Variants in RGS3 observed in about 807,000 individuals in gnomAD.
RGS3 encodes regulator of G protein signaling 3.
A neutral mutation model predicts 132.6 loss-of-function variants in RGS3; 80 were observed. That is an observed-to-expected ratio of 0.60 (90% CI 0.50 to 0.73). The LOEUF (loss-of-function observed/expected upper bound fraction) is 0.73. RGS3 is among the 30% of genes least tolerant of loss of function. RGS3 has a pLI of 0.00. For missense variants in RGS3, 1,382 were observed against 1,530.8 expected (o/e 0.90, Z 1.62); for synonymous variants, 598 against 620.6 (o/e 0.96, Z 0.54).
At chr9:113,569,567 GTCTTTCCT>G (rs1348299995) in intron 19 of RGS3, among the ~76,000 whole-genome samples, 2 of 124,362 alleles carry the variant, frequency 1.6e-5, no homozygotes. Context: ...TCCCTTCCGT[GTCTTTCCT>G]TCTTTCCTTC....
At chr9:113,494,862 A>ATTC (rs149529317) in intron 7 of RGS3, among the ~76,000 whole-genome samples, 72 of 151,640 alleles carry the variant, frequency 4.7e-4, no homozygotes, top group East Asian at 2.1e-3. Flanking sequence ...GGAACTCTGA[A>ATTC]TTCTTCTTCT....
At chr9:113,456,650 GT>G (rs112527436), upstream of RGS3, among the ~76,000 whole-genome samples, 181 of 135,612 alleles carry the variant, frequency 1.3e-3, 2 homozygotes, top group Admixed American at 5.4e-3. Flanking sequence ...TAACCAATTT[GT>G]TTTTTTTTTT....
chr9:113,489,763 C>T (rs2119249614), intron 7 of RGS3, among the ~76,000 whole-genome samples: 1 of 151,760 alleles, frequency 6.6e-6, no homozygotes, highest in African/African-American at 2.4e-5. Flanking sequence ...CTCCTGGCTG[C>T]AAGTGCTCCT....
rs1431462226 is a variant in RGS3 at position 113,582,158 on chromosome 9, TCA to T, written c.2038-1290_2038-1289del. ...AACACTGACTCCCAGCTGTGGGGCT[TCA>T]CCATTACAGACTCCCCAGGGCTTCA... is the stretch of plus-strand genomic sequence containing the variant. On this transcript the variant is annotated intron_variant, in intron 19 of 24. Transcript: ENST00000350696. 4 of 985,378 alleles carry T rather than the reference TCA, an allele frequency of 4.1e-6. No homozygotes were observed. In the African/African-American group the frequency reaches 7.0e-5, roughly 17 times the overall value. The allele number at this position is 985,378 out of a possible 1,614,324, so 61.0% of individuals were successfully genotyped here. A position where few individuals can be genotyped will look rare whatever the true frequency, so the allele number is the denominator to read the frequency against.
At chr9:113,546,334 G>A (rs1011180850) in intron 19 of RGS3, among the ~76,000 whole-genome samples, 1 of 152,138 alleles carries the variant, frequency 6.6e-6, no homozygotes, top group South Asian at 2.1e-4. Flanking sequence ...CCCCTTCGTG[G>A]TTCCCAGAGT....
intron 7 of RGS3, among the ~76,000 whole-genome samples, chr9:113,490,721 A>G (rs185677279): frequency 0.068 from 9,601 of 140,758 alleles, 415 homozygotes; most frequent in Non-Finnish European, 0.094. Flanking sequence ...TGGTATATAT[A>G]ATTATATATA....
intron 21 of RGS3, chr9:113,594,100 T>A: frequency 6.2e-7 from 1 of 1,613,014 alleles, no homozygotes; most frequent in Non-Finnish European, 8.5e-7. Context: ...CCTGTCTGAG[T>A]CCCAGCCCCG....
intron 14 of RGS3, among the ~76,000 whole-genome samples, chr9:113,511,350 A>G (rs1026109693): frequency 1.3e-5 from 2 of 152,066 alleles, no homozygotes; most frequent in Non-Finnish European, 2.9e-5. Flanking sequence ...TGGGAAGTAA[A>G]TGAGTTTGCC....
At chr9:113,543,071 G>A (rs1272219784) in intron 19 of RGS3, among the ~76,000 whole-genome samples, 1 of 152,236 alleles carries the variant, frequency 6.6e-6, no homozygotes, top group African/African-American at 2.4e-5. Context: ...CAGACCTAGA[G>A]GGAGGGAAGC....
intron 20 of RGS3, among the ~76,000 whole-genome samples, chr9:113,586,543 C>A (rs138862502): frequency 6.6e-6 from 1 of 152,192 alleles, no homozygotes; most frequent in African/African-American, 2.4e-5. Flanking sequence ...AACTTTTAGC[C>A]GGTCACTTCC....
Position 113,506,592 on chromosome 9 carries a change from C to T in RGS3, c.1085+99C>T. 2.7e-6 allele frequency: 2 copies of T among 746,892 alleles called. No homozygotes were observed. Among genetic ancestry groups the T allele is most frequent in the Admixed American group, 4.8e-5 (2 of 41,682 alleles). The allele number at this position is 746,892 out of a possible 1,614,324, so 46.3% of individuals were successfully genotyped here. On this transcript the variant is annotated intron_variant, in intron 12 of 24. Transcript: ENST00000350696. The surrounding 1 kb of genome is among the most constrained non-coding windows in gnomAD (Gnocchi z 4.7). ...TGCCTGGCCCAGCTCTTGCTGCTCC[C>T]TCTTTTGCCTAGCTGTGAGCAGGCA...
chr9:113,445,767 C>T (rs1006667355), intron 1 of RGS3, among the ~76,000 whole-genome samples: 1 of 152,156 alleles, frequency 6.6e-6, no homozygotes, highest in Non-Finnish European at 1.5e-5. Flanking sequence ...CAACCTCCGC[C>T]GCCTGGGTTC....
intron 19 of RGS3, chr9:113,581,003 G>C: frequency 3.1e-6 from 3 of 978,966 alleles, no homozygotes; most frequent in Non-Finnish European, 3.6e-6. Context: ...AGGACTATCA[G>C]AGGCAGGTGG....
At chr9:113,492,806 A>T (rs968379170) in intron 7 of RGS3, among the ~76,000 whole-genome samples, 1 of 152,204 alleles carries the variant, frequency 6.6e-6, no homozygotes, top group Admixed American at 6.5e-5. Context: ...ACTTAGAGAG[A>T]GGTTCCTGCT....
At chr9:113,548,651 G>C (rs1453207534) in intron 19 of RGS3, among the ~76,000 whole-genome samples, 1 of 152,200 alleles carries the variant, frequency 6.6e-6, no homozygotes, top group African/African-American at 2.4e-5. Flanking sequence ...CCATCTGGGA[G>C]AGTCCTGGAG....
At chr9:113,574,406 C>T (rs899401284) in intron 19 of RGS3, among the ~76,000 whole-genome samples, 7 of 152,212 alleles carry the variant, frequency 4.6e-5, no homozygotes, top group African/African-American at 1.7e-4. Context: ...AGCCTCCTAG[C>T]ATGGTAGCAG....
At chr9:113,509,512 CA>C (rs930983734) in intron 14 of RGS3, among the ~76,000 whole-genome samples, 2 of 152,134 alleles carry the variant, frequency 1.3e-5, no homozygotes, top group East Asian at 1.9e-4. Flanking sequence ...AAATCCTGAT[CA>C]GGGGTGGAAG....
chr9:113,526,676 G>A (rs958362369), intron 17 of RGS3, among the ~76,000 whole-genome samples: 1 of 152,158 alleles, frequency 6.6e-6, no homozygotes, highest in African/African-American at 2.4e-5. Flanking sequence ...CTGGGAAAGT[G>A]ACGGAGGGGT....
In RGS3 at chr9:113,533,873, C is replaced by T. The variant is rs139711641; in HGVS notation, c.1915-2923C>T. 2.5e-3 allele frequency among the ~76,000 whole-genome samples: 376 copies of T among 152,330 alleles called. 2 individuals carry two copies. Among genetic ancestry groups the T allele is most frequent in the Non-Finnish European group, 3.7e-3 (254 of 68,026 alleles). On this transcript the variant is annotated intron_variant, in intron 18 of 24. Transcript: ENST00000350696. ...TCTTGGGGTCTTTTGCTGGCCATAT[C>T]CTTCCCCTGCCATGGGCTAGAGGAC...
Sources: allele counts gnomAD v4.1 joint callset (sites outside exome capture counted in the v4.1 genomes callset), GRCh38; gene constraint gnomAD v4.1.1; non-coding constraint Gnocchi (gnomAD v3.1); transcripts MANE v1.5; gene names NCBI Gene and HGNC (gene_info 2026-07-23, HGNC 2026-07-21).